The following GRIP1 variants were observed in gnomAD, a reference collection of about 807,000 sequenced individuals.
GRIP1 encodes glutamate receptor interacting protein 1.
GRIP1 carries 45 observed loss-of-function variants against 129.9 expected under a neutral mutation model. The observed-to-expected ratio is 0.35, with a 90% CI of 0.27 to 0.44. GRIP1 has a LOEUF of 0.44. GRIP1 is among the 20% of genes least tolerant of loss of function. The pLI, the probability that GRIP1 is intolerant of heterozygous loss-of-function variation, is 1.00. For missense variants in GRIP1, 1,196 were observed against 1,396.8 expected (o/e 0.86, Z 2.29); for synonymous variants, 530 against 520.8 (o/e 1.02, Z -0.24).
At chr12:67,032,113 T>G (rs2043031563) in intron 1 of GRIP1, among the ~76,000 whole-genome samples, 1 of 152,218 alleles carries the variant, frequency 6.6e-6, no homozygotes, top group Non-Finnish European at 1.5e-5. Context: ...TCCTTTGAAA[T>G]CTATAGGCTT....
At chr12:66,922,902 T>C (rs1002192173) in intron 1 of GRIP1, among the ~76,000 whole-genome samples, 1 of 152,166 alleles carries the variant, frequency 6.6e-6, no homozygotes, top group African/African-American at 2.4e-5. Context: ...ATATAATAAA[T>C]ATGTGCTGAA....
chr12:66,769,225 A>ATTTTTTTTTTTTTTTTT (rs112284216), intron 1 of GRIP1, among the ~76,000 whole-genome samples: 1 of 144,758 alleles, frequency 6.9e-6, no homozygotes. Flanking sequence ...CCAAATGGAA[A>ATTTTTTTTTTTTTTTTT]TTTTTTTTTT....
At chr12:66,478,140 G>T (rs2059681165) in intron 7 of GRIP1, among the ~76,000 whole-genome samples, 1 of 152,132 alleles carries the variant, frequency 6.6e-6, no homozygotes, top group African/African-American at 2.4e-5. Flanking sequence ...CTGACAAAGG[G>T]CTAATATCCT....
chr12:66,776,457 C>T (rs1352070216), intron 1 of GRIP1, among the ~76,000 whole-genome samples: 1 of 152,120 alleles, frequency 6.6e-6, no homozygotes, highest in African/African-American at 2.4e-5. Context: ...ATAACAATAA[C>T]TTTAATTAGT....
chr12:66,787,020 G>A (rs913760074), intron 1 of GRIP1, among the ~76,000 whole-genome samples: 1 of 152,060 alleles, frequency 6.6e-6, no homozygotes, highest in Non-Finnish European at 1.5e-5. Context: ...AAAACAACAA[G>A]CCAGCTGCTA....
chr12:67,012,638 A>G (rs2042726959), intron 1 of GRIP1, among the ~76,000 whole-genome samples: 1 of 152,214 alleles, frequency 6.6e-6, no homozygotes, highest in Non-Finnish European at 1.5e-5. Flanking sequence ...CAGTTTGCAG[A>G]TAAGCAAGGT....
At chr12:66,733,776 C>T (rs961158929) in intron 1 of GRIP1, among the ~76,000 whole-genome samples, 1 of 152,198 alleles carries the variant, frequency 6.6e-6, no homozygotes, top group Non-Finnish European at 1.5e-5. Flanking sequence ...TGACATCCCA[C>T]TGAAGTAAGA....
At chr12:66,601,512 A>G (rs2064278414) in intron 1 of GRIP1, among the ~76,000 whole-genome samples, 1 of 152,182 alleles carries the variant, frequency 6.6e-6, no homozygotes, top group Non-Finnish European at 1.5e-5. Context: ...GGTTTCAGGA[A>G]TCTCTAGCTG....
At chr12:66,369,102 T>C (rs749068930) in intron 23 of GRIP1, among the ~76,000 whole-genome samples, 9 of 152,040 alleles carry the variant, frequency 5.9e-5, no homozygotes, top group Non-Finnish European at 8.8e-5. Flanking sequence ...TGGGGATCAA[T>C]TCAGAAAAAA....
At chr12:66,432,696 G>T in intron 13 of GRIP1, 68 bp from the exon 14 acceptor site, 2 of 858,618 alleles carry the variant, frequency 2.3e-6, no homozygotes, top group South Asian at 1.4e-5. Context: ...CAATAAAAAT[G>T]CATTAGGAAT....
At chr12:66,368,426 C>A (rs535867224) in intron 23 of GRIP1, among the ~76,000 whole-genome samples, 37 of 152,258 alleles carry the variant, frequency 2.4e-4, no homozygotes, top group Non-Finnish European at 4.7e-4. Flanking sequence ...AAAGATAGCA[C>A]CAGGAAAATA....
rs529831222 is a variant in GRIP1 at position 66,706,890 on chromosome 12, AC to A, written c.-419-76555del. ...GGTGGGTGGTGGCTGAGGGGAGGGAACTTGGAGGATGGGTCAATAGGTGCAG... is the reference window on the plus strand; with the variant it reads ...GGTGGGTGGTGGCTGAGGGGAGGGAATTGGAGGATGGGTCAATAGGTGCAG... On this transcript the variant is annotated intron_variant, in intron 1 of 4. Transcript: ENST00000538373. Among the ~76,000 whole-genome samples the A allele has an allele frequency of 2.9e-3, 438 of 151,612 alleles. 1 individual carries two copies. The highest frequency in any genetic ancestry group is 0.01 in the African/African-American group (420 of 41,436).
chr12:66,581,014 C>T (rs1323405037), intron 2 of GRIP1, among the ~76,000 whole-genome samples: 1 of 152,254 alleles, frequency 6.6e-6, no homozygotes, highest in East Asian at 1.9e-4. Context: ...GGAAGTAAAG[C>T]TCTCCTCAGG....
rs140053173 is a variant in GRIP1, at chr12:66,907,096, G to A, written c.58+161954C>T. On this transcript the variant is annotated intron_variant, in intron 1 of 1. Transcript: ENST00000643019. ...ACTTTGTCATCATGTCTCTTTAATCGCCTCCATTCTGGGACAGTTCCTCAG... is the reference window on the plus strand; with the variant it reads ...ACTTTGTCATCATGTCTCTTTAATCACCTCCATTCTGGGACAGTTCCTCAG... Among the ~76,000 whole-genome samples, 103 of 152,106 alleles carry A rather than the reference G, an allele frequency of 6.8e-4. No homozygotes were observed. In the Middle Eastern group the frequency reaches 0.014, roughly 20 times the overall value.
At chr12:66,751,836 A>C (rs2037134587) in intron 1 of GRIP1, among the ~76,000 whole-genome samples, 2 of 152,224 alleles carry the variant, frequency 1.3e-5, no homozygotes, top group South Asian at 4.1e-4. Context: ...ATAATCTGAA[A>C]GTGCTGACAA....
intron 1 of GRIP1, among the ~76,000 whole-genome samples, chr12:66,842,997 G>T (rs1032822285): frequency 6.6e-5 from 10 of 152,106 alleles, no homozygotes; most frequent in African/African-American, 1.9e-4. Flanking sequence ...TATTTGAAAA[G>T]AGATTAATTC....
rs1016764757 is a variant in GRIP1, at chr12:66,455,697, G to C, written c.1199-133C>G. The C allele has an allele frequency of 5.7e-5, 44 of 769,274 alleles. No individual in the cohort carries two copies. The Admixed American group carries it at 8.3e-4, about 15-fold the overall frequency. 47.7% of individuals were successfully genotyped at this position (769,274 alleles called of 1,614,324 possible). A position where few individuals can be genotyped will look rare whatever the true frequency, so the allele number is the denominator to read the frequency against. ...GGCTAGGAAGGACCCCAGCCAGCTA[G>C]AGGCCAGCTCTCAGGAGCATGAGAC... On this transcript the variant is annotated intron_variant, in intron 10 of 24. Coordinates refer to ENST00000359742, the MANE Select transcript of GRIP1 (RefSeq NM_001366722.1).
chr12:66,492,282 T>C (rs919434555), intron 7 of GRIP1, among the ~76,000 whole-genome samples: 10 of 152,108 alleles, frequency 6.6e-5, no homozygotes, highest in African/African-American at 2.2e-4. Context: ...GCCAAAAATA[T>C]ACTTTGAAAT....
intron 1 of GRIP1, among the ~76,000 whole-genome samples, chr12:67,057,967 A>G (rs149611166): frequency 1.2e-3 from 176 of 152,360 alleles, no homozygotes; most frequent in African/African-American, 3.8e-3. Flanking sequence ...ACTTTTTTAA[A>G]TCAACAATCC....
Sources: gnomAD v4.1 joint callset for allele counts (sites outside exome capture counted in the v4.1 genomes callset) on GRCh38, gnomAD v4.1.1 for gene constraint, MANE v1.5 for transcripts, NCBI Gene and HGNC (gene_info 2026-07-23, HGNC 2026-07-21) for gene names.